The following NEBL variants were observed in gnomAD, a reference collection of about 807,000 sequenced individuals.
NEBL encodes nebulette, also known as LIM and SH3 protein 2.
Under a neutral mutation model 140.2 loss-of-function variants are expected in NEBL, and 122 were observed. That is an observed-to-expected ratio of 0.87 (90% CI 0.75 to 1.01). The LOEUF is 1.01. Among genes scored for constraint, NEBL ranks in the 50% least tolerant of loss-of-function variants. The pLI, the probability that NEBL is intolerant of heterozygous loss-of-function variation, is 0.00. For missense variants in NEBL, 1,365 were observed against 1,231.3 expected (o/e 1.11, Z -1.62); for synonymous variants, 436 against 398.9 (o/e 1.09, Z -1.11).
chr10:21,151,434 TC>T (rs1840132981), intron 2 of NEBL, among the ~76,000 whole-genome samples: 1 of 152,164 alleles, frequency 6.6e-6, no homozygotes, highest in African/African-American at 2.4e-5. Context: ...TATGTGACTG[TC>T]CCTTTAGCAC....
At chr10:20,943,562 A>G (rs1195068437) in intron 4 of NEBL, among the ~76,000 whole-genome samples, 1 of 152,180 alleles carries the variant, frequency 6.6e-6, no homozygotes, top group Admixed American at 6.5e-5. Flanking sequence ...CATGTTGTGC[A>G]CATGTACCCT....
At chr10:21,106,980 CTCTG>C (rs772337210) in intron 2 of NEBL, among the ~76,000 whole-genome samples, 14 of 151,912 alleles carry the variant, frequency 9.2e-5, no homozygotes, top group African/African-American at 2.2e-4. Context: ...TGATTTGGCT[CTCTG>C]TCTGTTATTG....
At chr10:20,885,073 T>G (rs555217121) in intron 4 of NEBL, among the ~76,000 whole-genome samples, 1 of 152,378 alleles carries the variant, frequency 6.6e-6, no homozygotes, top group South Asian at 2.1e-4. Flanking sequence ...AAGATAAGTT[T>G]GTTTTAATAA....
At chr10:20,822,127 C>A (rs190299413) in intron 19 of NEBL, among the ~76,000 whole-genome samples, 2 of 152,104 alleles carry the variant, frequency 1.3e-5, no homozygotes, top group African/African-American at 4.8e-5. Context: ...CAACAAATAA[C>A]AGTTATTGTA....
chr10:20,910,365 C>G (rs1015880518), intron 4 of NEBL, among the ~76,000 whole-genome samples: 6 of 152,140 alleles, frequency 3.9e-5, no homozygotes, highest in African/African-American at 7.2e-5. Context: ...ACTTAAGTTC[C>G]TTATGTTATA....
intron 2 of NEBL, among the ~76,000 whole-genome samples, chr10:21,137,393 T>C (rs1306452123): frequency 6.6e-6 from 1 of 152,226 alleles, no homozygotes; most frequent in African/African-American, 2.4e-5. Context: ...ACTGTTCGTA[T>C]AGCCTTGGTG....
At chr10:20,933,524 A>G (rs1834309705) in intron 4 of NEBL, among the ~76,000 whole-genome samples, 1 of 152,160 alleles carries the variant, frequency 6.6e-6, no homozygotes, top group South Asian at 2.1e-4. Flanking sequence ...ACCTGAGGCC[A>G]GGAGTTCAAG....
At position 20,809,872 on chromosome 10, in the gene NEBL, C is replaced by G; in HGVS notation, c.2545G>C (p.Gly849Arg). The stretch of plus-strand genomic sequence containing the variant: ...AGGGGATCAAGGTCGAAGATGGAGC[C>G]AGGATCTGTGCGCCAAACTTTGAGG... ...VDLKVWRTDP[G>R]SIFDLDPLED... The change falls in exon 25 of 28, where the codon GGC becomes CGC. Residue 849 changes from glycine (G) to arginine (R), a missense_variant. Around this residue, in one of 2 missense-constraint regions of NEBL, gnomAD observed 1,323 missense variants for 1,154.8 expected, o/e 1.15. Transcript: ENST00000377122. 1 of 1,608,910 alleles carries G rather than the reference C, an allele frequency of 6.2e-7. No homozygotes were observed. The highest frequency in any genetic ancestry group is 1.1e-5 in the South Asian group (1 of 90,848).
chr10:21,023,491 C>T (rs1030392622), intron 2 of NEBL, among the ~76,000 whole-genome samples: 3 of 152,106 alleles, frequency 2.0e-5, no homozygotes, highest in South Asian at 2.1e-4. Flanking sequence ...GTCAGGAGTT[C>T]GAGACCAGCC....
chr10:21,279,451 G>A lies in NEBL; in HGVS notation n.182+13379C>T, dbSNP rs144294068. Among the ~76,000 whole-genome samples the A allele has an allele frequency of 2.6e-3, 402 of 151,772 alleles. 1 individual carries two copies. The highest frequency in any genetic ancestry group is 8.8e-3 in the African/African-American group (365 of 41,404). On this transcript the variant is annotated intron_variant and non_coding_transcript_variant, in intron 1 of 8. Coordinates refer to the NEBL transcript ENST00000675702. ...ACTGGGATTACAGGCCACCATGCCT[G>A]GCCTATTTTTTGTTTCAACACTTTA...
intron 2 of NEBL, chr10:21,171,992 T>A (rs903997476): frequency 1.1e-5 from 3 of 261,190 alleles, no homozygotes; most frequent in Non-Finnish European, 1.5e-5. Context: ...TAGGTTCAGG[T>A]ATGAAATTGC....
intron 24 of NEBL, among the ~76,000 whole-genome samples, chr10:20,810,439 T>A (rs573409351): frequency 1.3e-5 from 2 of 152,356 alleles, no homozygotes; most frequent in African/African-American, 4.8e-5. Flanking sequence ...CTAGTTTTCA[T>A]TCTGAGTCTG....
chr10:20,924,115 T>A (rs1833745025), intron 4 of NEBL, among the ~76,000 whole-genome samples: 1 of 152,108 alleles, frequency 6.6e-6, no homozygotes, highest in Non-Finnish European at 1.5e-5. Flanking sequence ...TTGGTGATTG[T>A]CAGCTAGGGA....
chr10:21,078,017 G>A (rs1589213022), intron 2 of NEBL, among the ~76,000 whole-genome samples: 1 of 152,340 alleles, frequency 6.6e-6, no homozygotes, highest in South Asian at 2.1e-4. Flanking sequence ...CCAGAGCACG[G>A]ATTGACTCTC....
chr10:21,067,260 C>T (rs988266393), intron 2 of NEBL, among the ~76,000 whole-genome samples: 2 of 152,052 alleles, frequency 1.3e-5, no homozygotes, highest in East Asian at 1.9e-4. Flanking sequence ...TGTGAGCCAC[C>T]GCGCCCAGCC....
chr10:20,854,489 C>A (rs1842853178), intron 9 of NEBL, among the ~76,000 whole-genome samples: 1 of 152,038 alleles, frequency 6.6e-6, no homozygotes. Context: ...TATATGTTCC[C>A]CCAAACCTAA....
At chr10:20,936,300 T>C (rs982077236) in intron 4 of NEBL, among the ~76,000 whole-genome samples, 1 of 152,174 alleles carries the variant, frequency 6.6e-6, no homozygotes, top group African/African-American at 2.4e-5. Context: ...ATCACTTTAT[T>C]ACTCTATTTC....
chr10:21,164,457 T>A (rs565777589), intron 2 of NEBL, among the ~76,000 whole-genome samples: 93 of 152,334 alleles, frequency 6.1e-4, no homozygotes, highest in African/African-American at 2.2e-3. Flanking sequence ...CCTTGACACA[T>A]AATCAATATA....
At chr10:21,112,953 A>G in intron 2 of NEBL, 1 of 357,176 alleles carries the variant, frequency 2.8e-6, no homozygotes, top group South Asian at 2.6e-5. Flanking sequence ...TGTAACTGGA[A>G]AGTGATCTGC....
Sources: gnomAD v4.1 joint callset for allele counts (sites outside exome capture counted in the v4.1 genomes callset) on GRCh38, gnomAD v4.1.1 for gene constraint, gnomAD v4.1.1 regional missense constraint, MANE v1.5 for transcripts, NCBI Gene and HGNC (gene_info 2026-07-23, HGNC 2026-07-21) for gene names.